Variants in FANCM observed in about 807,000 individuals in gnomAD.
The protein encoded by FANCM is FA complementation group M, also known as Fanconi anemia group M protein.
In FANCM, 140 loss-of-function variants were observed where a neutral mutation model predicts 199.5. The ratio of observed to expected loss-of-function variants is 0.70; its 90% CI spans 0.61 to 0.81. The LOEUF is 0.81. FANCM is among the 30% of genes least tolerant of loss of function. The pLI is 0.00. For synonymous variants in FANCM, 840 were observed against 836.8 expected (o/e 1.00, Z -0.07); for missense variants, 2,410 against 2,421.4 (o/e 1.00, Z 0.10).
Position 45,175,919 on chromosome 14 carries a change from A to AT in FANCM, c.3166dup (p.Cys1056LeufsTer7). On this transcript the variant is annotated frameshift_variant, in exon 14 of 23. Transcript: ENST00000267430. LOFTEE classifies it high-confidence loss of function. Reference sequence around the variant, plus strand: ...AGAATTTAGAATTGAATTCACTTAAATGTATAAATTATCCATCTGAAAAAA... The same window carrying AT: ...AGAATTTAGAATTGAATTCACTTAAATTGTATAAATTATCCATCTGAAAAAA... 1 of 1,612,966 alleles carries AT rather than the reference A, an allele frequency of 6.2e-7. No individual in the cohort carries two copies. The highest frequency in any genetic ancestry group is 8.5e-7 in the Non-Finnish European group (1 of 1,179,128).
intron 4 of FANCM, among the ~76,000 whole-genome samples, chr14:45,150,766 A>G (rs1320454717): frequency 6.6e-6 from 1 of 152,228 alleles, no homozygotes; most frequent in Non-Finnish European, 1.5e-5. Context: ...TGCATTTGTT[A>G]TAATGAAAAT....
chr14:45,153,748 A>G (rs1196675148), intron 5 of FANCM, among the ~76,000 whole-genome samples, 172 bp from the exon 6 acceptor site: 2 of 152,344 alleles, frequency 1.3e-5, no homozygotes, highest in South Asian at 2.1e-4. Context: ...GCAACATCCT[A>G]TAAGATGACA....
At chr14:45,136,613 A>T in intron 1 of FANCM, 74 bp downstream of exon 1, 1 of 1,412,150 alleles carries the variant, frequency 7.1e-7, no homozygotes, top group South Asian at 1.2e-5. Flanking sequence ...CCCAAGCTAC[A>T]ACATGTGCAT....
chr14:45,163,968 G>A lies in FANCM; in HGVS notation c.1582-391G>A, dbSNP rs1887781331. Among the ~76,000 whole-genome samples the A allele has an allele frequency of 3.9e-5, 6 of 152,176 alleles. No individual in the cohort carries two copies. The South Asian group carries it at 8.3e-4, about 21-fold the overall frequency. On this transcript the variant is annotated intron_variant, in intron 9 of 22. Coordinates refer to ENST00000267430, the MANE Select transcript of FANCM (RefSeq NM_020937.4). Reference sequence around the variant, plus strand: ...TTTTTTTGCTTTGTTTTGTTGAAACGAGGCTTTACTCTGTTGCCTAGGCTA... The same window carrying A: ...TTTTTTTGCTTTGTTTTGTTGAAACAAGGCTTTACTCTGTTGCCTAGGCTA...
Position 45,151,500 on chromosome 14 carries a change from T to G in FANCM, c.1022T>G (p.Phe341Cys), listed in dbSNP as rs756238597. The change falls in exon 5 of 23, where the codon TTT becomes TGT. Residue 341 changes from phenylalanine to cysteine, a missense_variant. Coordinates refer to ENST00000267430, the MANE Select transcript of FANCM (RefSeq NM_020937.4). ...CAGATAATTCTGGCAAGAGATCAGT[T>G]TAGGAAAAACCCATCTCCGAATATT... Reference protein sequence around the residue: ...KYQIILARDQFRKNPSPNIVG... With the variant: ...KYQIILARDQCRKNPSPNIVG... 16 of 1,613,004 alleles carry G rather than the reference T, an allele frequency of 9.9e-6. No individual in the cohort carries two copies. In the South Asian group the frequency reaches 1.8e-4, roughly 18 times the overall value.
At chr14:45,185,462 C>A in intron 18 of FANCM, 89 bp downstream of exon 18, 1 of 742,364 alleles carries the variant, frequency 1.3e-6, no homozygotes, top group Non-Finnish European at 2.1e-6. Context: ...TGAAACTAGA[C>A]CTTAAAGGTA....
rs1888744685 is a variant in FANCM at position 45,176,892 on chromosome 14, A to G, written c.4138A>G (p.Thr1380Ala). 6.2e-7 allele frequency: 1 copy of G among 1,611,210 alleles called. No individual in the cohort carries two copies. The highest frequency in any genetic ancestry group is 8.5e-7 in the Non-Finnish European group (1 of 1,177,922). The change falls in exon 14 of 23, where the codon ACT becomes GCT. Residue 1380 changes from threonine (T) to alanine (A), a missense_variant. Physicochemically the swap from Thr to Ala is moderately conservative, Grantham distance 58 (BLOSUM62 0). Coordinates refer to ENST00000267430, the MANE Select transcript of FANCM (RefSeq NM_020937.4). The stretch of plus-strand genomic sequence containing the variant: ...AAGATTCAAAGAAGCATTGAATTCA[A>G]CTTTTGATTATTCAGAATTTTCTCT... Reference protein sequence around the residue: ...LQRFKEALNSTFDYSEFSLEK... With the variant: ...LQRFKEALNSAFDYSEFSLEK...
Position 45,198,945 on chromosome 14 carries a change from T to TTG in FANCM, c.6008+12_6008+13dup, listed in dbSNP as rs777026826. 1.3e-6 allele frequency: 2 copies of TTG among 1,586,978 alleles called. No individual in the cohort carries two copies. The highest frequency in any genetic ancestry group is 1.7e-6 in the Non-Finnish European group (2 of 1,158,166). On this transcript the variant is annotated intron_variant, in intron 22 of 22. Coordinates refer to ENST00000267430, the MANE Select transcript of FANCM (RefSeq NM_020937.4). Reference sequence around the variant, plus strand: ...AAAGGATGGCTAACAGGTATGTCTGTTGTAATATTTTTAAATGATTACTTT... The same window carrying TTG: ...AAAGGATGGCTAACAGGTATGTCTGTTGTGTAATATTTTTAAATGATTACTTT...
At chr14:45,155,827 G>C (rs1009867357) in intron 8 of FANCM, among the ~76,000 whole-genome samples, 1 of 152,106 alleles carries the variant, frequency 6.6e-6, no homozygotes, top group African/African-American at 2.4e-5. Context: ...AACAAACAAA[G>C]AAAAACCTTC....
In FANCM at chr14:45,148,868, T is replaced by C; in HGVS notation, c.791T>C (p.Ile264Thr). Residue 264 changes from isoleucine to threonine, a missense_variant, in exon 4 of 23, where the codon ATT becomes ACT. Transcript: ENST00000267430. ...AVQQVITNLL[I>T]GQIELRSEDS... The stretch of plus-strand genomic sequence containing the variant: ...CAACAAGTTATTACTAACCTGCTAA[T>C]TGGGCAGATAGAGCTTCGTTCTGAA... 1.2e-6 allele frequency: 2 copies of C among 1,610,996 alleles called. No homozygotes were observed. Among genetic ancestry groups the C allele is most frequent in the Non-Finnish European group, 1.7e-6 (2 of 1,177,490 alleles).
chr14:45,137,100 A>G lies in FANCM; in HGVS notation c.540A>G (p.Ile180Met). The G allele has an allele frequency of 6.2e-7, 1 of 1,613,494 alleles. No individual in the cohort carries two copies. The highest frequency in any genetic ancestry group is 1.7e-4 in the Middle Eastern group (1 of 6,050). Reference protein sequence around the residue: ...GSTQASTRKEIWCSKRVLFLT... With the variant: ...GSTQASTRKEMWCSKRVLFLT... ...CACAAGCTTCCACCAGGAAGGAAAT[A>G]TGGTGCAGTAAGAGAGTGCTTTTTC... The change falls in exon 2 of 23, where the codon ATA becomes ATG. Residue 180 changes from isoleucine to methionine, a missense_variant. Coordinates refer to ENST00000267430, the MANE Select transcript of FANCM (RefSeq NM_020937.4).
At position 45,151,276 on chromosome 14, in the gene FANCM, A is replaced by G. The variant is rs546446591; in HGVS notation, c.919-121A>G. On this transcript the variant is annotated intron_variant, in intron 4 of 22. Coordinates refer to ENST00000267430, the MANE Select transcript of FANCM (RefSeq NM_020937.4). ...TGTTATCATTGCTGAGTTTACTTAAACATTCATTGTAAGACAAACTTTATT... is the reference window on the plus strand; with the variant it reads ...TGTTATCATTGCTGAGTTTACTTAAGCATTCATTGTAAGACAAACTTTATT... 2.3e-4 allele frequency: 177 copies of G among 780,518 alleles called. 1 individual carries two copies. The Middle Eastern group carries it at 4.1e-3, about 18-fold the overall frequency. The allele number at this position is 780,518 out of a possible 1,614,324, so 48.3% of individuals were successfully genotyped here.
rs531368513 is a variant in FANCM at position 45,187,120 on chromosome 14, G to C, written c.4673-661G>C. On this transcript the variant is annotated intron_variant, in intron 18 of 22. Transcript: ENST00000267430. ...TATTTGCTGTTATGTTATTGGGAAGGCTGCAGATGAAGCAATTTAGATGGT... is the reference window on the plus strand; with the variant it reads ...TATTTGCTGTTATGTTATTGGGAAGCCTGCAGATGAAGCAATTTAGATGGT... 2.0e-5 allele frequency among the ~76,000 whole-genome samples: 3 copies of C among 152,232 alleles called. No individual in the cohort carries two copies. The South Asian group carries it at 6.2e-4, about 32-fold the overall frequency.
chr14:45,141,152 G>C (rs2139120029), intron 3 of FANCM, among the ~76,000 whole-genome samples: 1 of 152,008 alleles, frequency 6.6e-6, no homozygotes, highest in African/African-American at 2.4e-5. Flanking sequence ...ACCGGGCGTG[G>C]TGGTGGGCAC....
chr14:45,148,836 G>C lies in FANCM; in HGVS notation c.760-1G>C. The C allele has an allele frequency of 1.2e-6, 2 of 1,600,132 alleles. No individual in the cohort carries two copies. The highest frequency in any genetic ancestry group is 1.7e-6 in the Non-Finnish European group (2 of 1,168,648). The stretch of plus-strand genomic sequence containing the variant: ...AATCATACTTAATTGATTTCATATA[G>C]GCTGTGCAACAAGTTATTACTAACC... On this transcript the variant is annotated splice_acceptor_variant, in intron 3 of 22. Transcript: ENST00000267430. LOFTEE classifies it high-confidence loss of function.
chr14:45,137,257 A>G lies in FANCM; in HGVS notation c.681+16A>G, dbSNP rs772026235. On this transcript the variant is annotated intron_variant, in intron 2 of 22. Coordinates refer to ENST00000267430, the MANE Select transcript of FANCM (RefSeq NM_020937.4). ...TTATTGCCAGGTAATAATTTTGTTA[A>G]ACGGTATTTTGTATTGTAACTGTAC... The G allele has an allele frequency of 9.3e-6, 15 of 1,606,736 alleles. No individual in the cohort carries two copies. In the South Asian group the frequency reaches 1.4e-4, roughly 15 times the overall value.
At chr14:45,197,796 C>T (rs553546184) in intron 21 of FANCM, among the ~76,000 whole-genome samples, 53 of 142,554 alleles carry the variant, frequency 3.7e-4, no homozygotes, top group African/African-American at 1.3e-3. Flanking sequence ...TGGAGTCTTG[C>T]TCTGTCGCCC....
chr14:45,168,301 C>G (rs1418966377), intron 11 of FANCM, among the ~76,000 whole-genome samples: 1 of 152,008 alleles, frequency 6.6e-6, no homozygotes, highest in Non-Finnish European at 1.5e-5. Context: ...TGTCATTTTT[C>G]AAGATTTTGC....
intron 8 of FANCM, among the ~76,000 whole-genome samples, chr14:45,156,587 T>C (rs1276626677): frequency 6.6e-6 from 1 of 152,098 alleles, no homozygotes. Flanking sequence ...AGCCAACTTA[T>C]TTATTGTATT....
Sources: gnomAD v4.1 joint callset for allele counts (sites outside exome capture counted in the v4.1 genomes callset) on GRCh38, gnomAD v4.1.1 for gene constraint, MANE v1.5 for transcripts, NCBI Gene and HGNC (gene_info 2026-07-23, HGNC 2026-07-21) for gene names.